Variants in SIK3 observed in about 807,000 individuals in gnomAD.
The protein encoded by SIK3 is SIK family kinase 3.
SIK3 carries 28 observed loss-of-function variants against 144.2 expected under a neutral mutation model. The ratio of observed to expected loss-of-function variants is 0.19; its 90% CI spans 0.14 to 0.27. The LOEUF (loss-of-function observed/expected upper bound fraction) is 0.27, where lower values mean the gene tolerates loss of function less well. SIK3 is among the 10% of genes least tolerant of loss of function. SIK3 has a pLI of 1.00. For missense variants in SIK3, 1,319 were observed against 1,776.0 expected, an observed-to-expected ratio of 0.74 and a Z score of 4.62; for synonymous variants, 686 against 676.3, an observed-to-expected ratio of 1.01 and a Z score of -0.22.
rs77278430 is a variant in SIK3, at chr11:117,034,440, G to A, written c.273+63703C>T. 6.2e-3 allele frequency among the ~76,000 whole-genome samples: 949 copies of A among 152,170 alleles called. 9 individuals are homozygous for A. The highest frequency in any genetic ancestry group is 0.02 in the African/African-American group (822 of 41,506). On this transcript the variant is annotated intron_variant, in intron 1 of 24. Coordinates refer to ENST00000445177, the MANE Select transcript of SIK3 (RefSeq NM_001366686.3). ...TGCAAGTAAATGAAAGTAAAGATAC[G>A]GTTTATTTGTAAAACACGATGCACA...
At chr11:116,985,274 GA>G (rs1474797069) in intron 1 of SIK3, among the ~76,000 whole-genome samples, 1 of 152,174 alleles carries the variant, frequency 6.6e-6, no homozygotes. Context: ...GACATACACA[GA>G]TTTGGGAGGC....
intron 1 of SIK3, among the ~76,000 whole-genome samples, chr11:116,986,716 T>C (rs1591483734): frequency 6.6e-6 from 1 of 152,204 alleles, no homozygotes; most frequent in Admixed American, 6.5e-5. Context: ...ACACAAGGAA[T>C]AGCAATTTCC....
At chr11:117,052,261 G>A (rs980519423) in intron 1 of SIK3, among the ~76,000 whole-genome samples, 6 of 152,256 alleles carry the variant, frequency 3.9e-5, no homozygotes, top group South Asian at 2.1e-4. Context: ...GGTATTTTGC[G>A]AGGATTTTTT....
chr11:117,023,604 ACAAACAAAAAAAAAAAAAT>A (rs1565567668), intron 1 of SIK3, among the ~76,000 whole-genome samples: 1 of 49,610 alleles, frequency 2.0e-5, no homozygotes, highest in East Asian at 4.6e-4. Context: ...AAACAAACAA[ACAAACAAAAAAAAAAAAAT>A]ATATATATAT....
At chr11:117,046,945 G>A (rs147013953) in intron 1 of SIK3, among the ~76,000 whole-genome samples, 94 of 152,146 alleles carry the variant, frequency 6.2e-4, no homozygotes, top group African/African-American at 1.9e-3. Context: ...AAACACCTGG[G>A]CAATCTGATA....
intron 1 of SIK3, among the ~76,000 whole-genome samples, chr11:116,979,035 C>T (rs187780472): frequency 6.6e-5 from 10 of 152,198 alleles, no homozygotes; most frequent in Admixed American, 4.6e-4. Flanking sequence ...TTAAGCCATG[C>T]GCACAAGAAT....
chr11:116,903,260 G>C (rs1945830601), intron 4 of SIK3, among the ~76,000 whole-genome samples: 1 of 152,134 alleles, frequency 6.6e-6, no homozygotes, highest in Admixed American at 6.6e-5. Context: ...ACATTTTGCT[G>C]CACATTTTAA....
intron 4 of SIK3, among the ~76,000 whole-genome samples, chr11:116,915,124 A>ATATGTGTG (rs1555093320): frequency 6.2e-5 from 8 of 129,988 alleles, no homozygotes; most frequent in African/African-American, 2.2e-4. Flanking sequence ...GAAGCCATAT[A>ATATGTGTG]TGTGTGTGTG....
chr11:117,078,573 T>C (rs949468595), intron 1 of SIK3, among the ~76,000 whole-genome samples: 1 of 151,946 alleles, frequency 6.6e-6, no homozygotes, highest in African/African-American at 2.4e-5. Flanking sequence ...GCTAATTTTT[T>C]TGTATTTTTA....
intron 19 of SIK3, among the ~76,000 whole-genome samples, chr11:116,860,535 G>T (rs568986995): frequency 2.0e-5 from 3 of 152,194 alleles, no homozygotes; most frequent in African/African-American, 7.2e-5. Context: ...ACAGCCAAAC[G>T]GAGGCATGTC....
chr11:116,862,467 T>A, intron 16 of SIK3, 140 bp from the exon 17 acceptor site: 1 of 1,007,060 alleles, frequency 9.9e-7, no homozygotes, highest in Non-Finnish European at 1.5e-6. Flanking sequence ...AGCAATTAAC[T>A]CATTTACCTA....
intron 1 of SIK3, among the ~76,000 whole-genome samples, chr11:116,995,343 A>C (rs1950628704): frequency 1.3e-5 from 2 of 149,130 alleles, no homozygotes; most frequent in South Asian, 4.3e-4. Context: ...GGCTCATTGC[A>C]ACCTCCACCT....
chr11:116,871,854 G>A (rs1461882216), intron 13 of SIK3, among the ~76,000 whole-genome samples: 1 of 152,156 alleles, frequency 6.6e-6, no homozygotes, highest in Non-Finnish European at 1.5e-5. Context: ...CAGAGTCATG[G>A]TAAGTTCATT....
chr11:117,049,587 G>T (rs1366901622), intron 1 of SIK3, among the ~76,000 whole-genome samples: 1 of 151,790 alleles, frequency 6.6e-6, no homozygotes, highest in Non-Finnish European at 1.5e-5. Flanking sequence ...CAAAAAAAAA[G>T]AAAGAAAGAA....
intron 1 of SIK3, among the ~76,000 whole-genome samples, chr11:117,095,224 A>T (rs1008686715): frequency 7.5e-4 from 111 of 148,840 alleles, no homozygotes; most frequent in Non-Finnish European, 9.1e-4. Flanking sequence ...AAGGAGGGGG[A>T]TCATAATTAT....
In SIK3 at chr11:116,858,836, T is replaced by C. The variant is rs1943144806; in HGVS notation, c.2766-137A>G. The C allele has an allele frequency of 3.1e-6, 4 of 1,297,962 alleles. No homozygotes were observed. The highest frequency in any genetic ancestry group is 3.3e-5 in the South Asian group (2 of 60,150). 80.4% of individuals were successfully genotyped at this position (1,297,962 alleles called of 1,614,324 possible). A position where few individuals can be genotyped will look rare whatever the true frequency, so the allele number is the denominator to read the frequency against. On this transcript the variant is annotated intron_variant, in intron 20 of 24. Coordinates refer to ENST00000445177, the MANE Select transcript of SIK3 (RefSeq NM_001366686.3). The surrounding 1 kb of genome is among the most constrained non-coding windows in gnomAD (Gnocchi z 5.4). ...GACAGAGAAGTGGCAGATGTATGCA[T>C]TGTCCCTATTTATTCCATTACTGGC...
chr11:116,997,428 C>T (rs569619271), intron 1 of SIK3, among the ~76,000 whole-genome samples: 1 of 152,216 alleles, frequency 6.6e-6, no homozygotes, highest in Admixed American at 6.5e-5. Context: ...TGCATATCTA[C>T]ATCTATGTAC....
chr11:117,094,676 G>C (rs1244392871), intron 1 of SIK3, among the ~76,000 whole-genome samples: 1 of 151,980 alleles, frequency 6.6e-6, no homozygotes, highest in Non-Finnish European at 1.5e-5. Flanking sequence ...CATCCAACTA[G>C]TGAAGGTATA....
chr11:116,939,639 T>C (rs75609729), intron 3 of SIK3, among the ~76,000 whole-genome samples: 1 of 152,324 alleles, frequency 6.6e-6, no homozygotes, highest in African/African-American at 2.4e-5. Context: ...TAAAAAACTA[T>C]GGAGCACTCC....
Sources: gnomAD v4.1 joint callset for allele counts (sites outside exome capture counted in the v4.1 genomes callset) on GRCh38, gnomAD v4.1.1 for gene constraint, Gnocchi (gnomAD v3.1) non-coding constraint, MANE v1.5 for transcripts, NCBI Gene and HGNC (gene_info 2026-07-23, HGNC 2026-07-21) for gene names.